MIA3: variants seen among roughly 807,000 people sequenced by gnomAD.
MIA3 encodes the protein MIA SH3 domain ER export factor 3.
In MIA3, 90 loss-of-function variants were observed where a neutral mutation model predicts 192.4. The observed-to-expected ratio is 0.47, with a 90% CI of 0.39 to 0.56. The LOEUF (loss-of-function observed/expected upper bound fraction) is 0.56. Among genes scored for constraint, MIA3 ranks in the 20% least tolerant of loss-of-function variants. The pLI is 0.00. For synonymous variants in MIA3, 740 were observed against 792.8 expected, an observed-to-expected ratio of 0.93 and a Z score of 1.12; for missense variants, 2,123 against 2,269.4, an observed-to-expected ratio of 0.94 and a Z score of 1.31.
In MIA3 at chr1:222,629,945, C is replaced by T. The variant is rs761330462; in HGVS notation, c.2725C>T (p.His909Tyr). The change falls in exon 4 of 28, where the codon CAT becomes TAT. Residue 909 changes from histidine to tyrosine, a missense_variant. By Grantham distance (83) the His-to-Tyr change is moderately conservative. Around this residue, in one of 3 missense-constraint regions of MIA3, gnomAD observed 1,357 missense variants for 1,396.1 expected, o/e 0.97. Coordinates refer to ENST00000344922, the MANE Select transcript of MIA3 (RefSeq NM_198551.4). ...PEDDSFHWTPHTSVEPGHSDK... is the reference protein window; with the variant it reads ...PEDDSFHWTPYTSVEPGHSDK... ...AGATGACTCGTTCCACTGGACTCCA[C>T]ATACAAGTGTAGAGCCAGGGCATAG... 4 of 1,614,018 alleles carry T rather than the reference C, an allele frequency of 2.5e-6. No homozygotes were observed. The highest frequency in any genetic ancestry group is 1.7e-5 in the Admixed American group (1 of 60,008).
At chr1:222,642,169 C>CAAA (rs1662890021) in intron 6 of MIA3, among the ~76,000 whole-genome samples, 2 of 152,118 alleles carry the variant, frequency 1.3e-5, no homozygotes, top group Admixed American at 6.5e-5. Flanking sequence ...AATAAGGAGA[C>CAAA]TTTGGGAGGT....
Position 222,629,231 on chromosome 1 carries a change from A to G in MIA3, c.2011A>G (p.Met671Val). Residue 671 changes from methionine to valine, a missense_variant, in exon 4 of 28, where the codon ATG becomes GTG. Coordinates refer to ENST00000344922, the MANE Select transcript of MIA3 (RefSeq NM_198551.4). ...RDVAATASKQ[M>V]SEKIRLSEGE... ...TGTGGCTGCCACAGCCAGTAAGCAAATGAGTGAGAAGATAAGGCTCTCTGA... is the reference window on the plus strand; with the variant it reads ...TGTGGCTGCCACAGCCAGTAAGCAAGTGAGTGAGAAGATAAGGCTCTCTGA... The G allele has an allele frequency of 6.2e-7, 1 of 1,614,192 alleles. No individual in the cohort carries two copies. The highest frequency in any genetic ancestry group is 2.2e-5 in the East Asian group (1 of 44,876).
At chr1:222,644,313 A>G in intron 6 of MIA3, 5 of 1,440,062 alleles carry the variant, frequency 3.5e-6, no homozygotes, top group Non-Finnish European at 4.6e-6. Context: ...GACGTGTTTT[A>G]TAGGCGGCAT....
intron 6 of MIA3, chr1:222,644,190 C>A: frequency 1.2e-6 from 1 of 828,206 alleles, no homozygotes; most frequent in Non-Finnish European, 1.7e-6. Context: ...TCCGCTCTAG[C>A]CCTATTCGCT....
intron 8 of MIA3, chr1:222,649,351 A>G (rs1663301879): frequency 6.6e-6 from 1 of 152,346 alleles, no homozygotes; most frequent in Non-Finnish European, 1.5e-5. Flanking sequence ...TTGGAAATAA[A>G]TTAAACTCTC....
At chr1:222,643,265 A>G (rs1267066992) in intron 6 of MIA3, among the ~76,000 whole-genome samples, 3 of 152,232 alleles carry the variant, frequency 2.0e-5, no homozygotes, top group African/African-American at 4.8e-5. Context: ...TGTTATCTAG[A>G]TATGTAATAC....
chr1:222,618,121 C>A lies in MIA3; in HGVS notation c.11C>A (p.Ala4Glu), dbSNP rs773969123. ...CGAGGTGACCACAACATGGCTGCGGCGCCTGGGCTGCTCGTCTGGCTGCTC... is the reference window on the plus strand; with the variant it reads ...CGAGGTGACCACAACATGGCTGCGGAGCCTGGGCTGCTCGTCTGGCTGCTC... Reference protein sequence around the residue: MAAAPGLLVWLLVL... With the variant: MAAEPGLLVWLLVL... Residue 4 changes from alanine to glutamate, a missense_variant, in exon 1 of 28, where the codon GCG becomes GAG. By Grantham distance (107) the Ala-to-Glu change is moderately radical. Around this residue, in one of 3 missense-constraint regions of MIA3, gnomAD observed 1,357 missense variants for 1,396.1 expected, o/e 0.97. Transcript: ENST00000344922. The A allele has an allele frequency of 9.4e-6, 14 of 1,495,252 alleles. No homozygotes were observed. The highest frequency in any genetic ancestry group is 1.5e-5 in the African/African-American group (1 of 68,322). 92.6% of individuals were successfully genotyped at this position (1,495,252 alleles called of 1,614,324 possible).
intron 6 of MIA3, among the ~76,000 whole-genome samples, chr1:222,635,893 C>A (rs147916762): frequency 6.6e-6 from 1 of 152,278 alleles, no homozygotes; most frequent in East Asian, 1.9e-4. Flanking sequence ...GCTATACATT[C>A]CTTTGTTGCC....
At position 222,660,213 on chromosome 1, in the gene MIA3, C is replaced by G. The variant is rs1168118413; in HGVS notation, c.5012C>G (p.Pro1671Arg). 1 of 1,613,936 alleles carries G rather than the reference C, an allele frequency of 6.2e-7. No individual in the cohort carries two copies. Among genetic ancestry groups the G allele is most frequent in the African/African-American group, 1.3e-5 (1 of 74,936 alleles). The change falls in exon 24 of 28, where the codon CCT becomes CGT. Residue 1671 changes from proline (P) to arginine (R), a missense_variant. Transcript: ENST00000344922. ...CAGAATGGCTCTTTTGGCCCATCCC[C>G]TGTGAGTGGTGGAGAATGCTCCCCT... Reference protein sequence around the residue: ...LSQNGSFGPSPVSGGECSPPL... With the variant: ...LSQNGSFGPSRVSGGECSPPL...
chr1:222,644,342 G>A (rs1023662356), intron 6 of MIA3: 1 of 1,480,044 alleles, frequency 6.8e-7, no homozygotes, highest in Non-Finnish European at 9.0e-7. Context: ...AGTGCAGGCA[G>A]CTGTGGAAGG....
chr1:222,622,691 T>C (rs1661927114), intron 2 of MIA3, among the ~76,000 whole-genome samples: 1 of 152,214 alleles, frequency 6.6e-6, no homozygotes, highest in African/African-American at 2.4e-5. Context: ...TTGGAAATGT[T>C]TTTCCATGTA....
chr1:222,652,499 C>T (rs1663493796), intron 13 of MIA3, among the ~76,000 whole-genome samples, 167 bp downstream of exon 13: 1 of 152,194 alleles, frequency 6.6e-6, no homozygotes, highest in South Asian at 2.1e-4. Context: ...GGTATACATT[C>T]TCTATCTGTT....
Position 222,618,159 on chromosome 1 carries a change from C to T in MIA3, c.49C>T (p.Pro17Ser). ...CGTCTGGCTGCTCGTGCTCCGGCTGCCCTGGCGGGTGCCGGGCCAGCTGGA... is the reference window on the plus strand; with the variant it reads ...CGTCTGGCTGCTCGTGCTCCGGCTGTCCTGGCGGGTGCCGGGCCAGCTGGA... Reference protein sequence around the residue: ...LLVWLLVLRLPWRVPGQLDPS... With the variant: ...LLVWLLVLRLSWRVPGQLDPS... Residue 17 changes from proline (P) to serine (S), a missense_variant, in exon 1 of 28, where the codon CCC becomes TCC. Pro to Ser is a moderately conservative substitution (Grantham distance 74, BLOSUM62 -1). This residue lies in a region of MIA3 where 1,357 missense variants were observed against 1,396.1 expected (regional missense o/e 0.97). Transcript: ENST00000344922. 6.6e-7 allele frequency: 1 copy of T among 1,506,736 alleles called. No individual in the cohort carries two copies. The highest frequency in any genetic ancestry group is 8.9e-7 in the Non-Finnish European group (1 of 1,128,314). 93.3% of individuals were successfully genotyped at this position (1,506,736 alleles called of 1,614,324 possible). A position where few individuals can be genotyped will look rare whatever the true frequency, so the allele number is the denominator to read the frequency against.
chr1:222,644,328 C>G, intron 6 of MIA3: 1 of 1,456,912 alleles, frequency 6.9e-7, no homozygotes, highest in South Asian at 1.4e-5. Flanking sequence ...CGGCATAAAG[C>G]GAAAGTGCAG....
Position 222,665,027 on chromosome 1 carries a change from C to T in MIA3, c.5414-282C>T, listed in dbSNP as rs186662261. On this transcript the variant is annotated intron_variant, in intron 27 of 27. Coordinates refer to ENST00000344922, the MANE Select transcript of MIA3 (RefSeq NM_198551.4). Reference sequence around the variant, plus strand: ...AGCCTGGGCAACATGGTGAAACCCCCATCTCTACAAAAAATCCAAAAATTA... The same window carrying T: ...AGCCTGGGCAACATGGTGAAACCCCTATCTCTACAAAAAATCCAAAAATTA... 862 of 421,440 alleles carry T rather than the reference C, an allele frequency of 2.0e-3. 4 individuals carry two copies. The highest frequency in any genetic ancestry group is 2.5e-3 in the Non-Finnish European group (552 of 223,026). The allele number at this position is 421,440 out of a possible 1,614,324, so 26.1% of individuals were successfully genotyped here.
intron 6 of MIA3, chr1:222,644,734 G>A (rs1205999626): frequency 1.2e-6 from 1 of 844,024 alleles, no homozygotes; most frequent in African/African-American, 1.7e-5. Flanking sequence ...TGCTGTTTAG[G>A]GAGGCAGGTG....
rs749183999 is a variant in MIA3 at position 222,629,463 on chromosome 1, G to A, written c.2243G>A (p.Gly748Glu). ...AAACGGTCTAAAGAAAAAAACCCTGGGAATCAGGGCAGGCAGTTTGATGTT... is the reference window on the plus strand; with the variant it reads ...AAACGGTCTAAAGAAAAAAACCCTGAGAATCAGGGCAGGCAGTTTGATGTT... ...NAKRSKEKNP[G>E]NQGRQFDVNL... is the part of the protein sequence containing the mutation. The change falls in exon 4 of 28, where the codon GGG (glycine) becomes GAG (glutamate). Residue 748 changes from glycine (G) to glutamate (E), a missense_variant. Transcript: ENST00000344922. The A allele has an allele frequency of 2.5e-6, 4 of 1,614,080 alleles. No homozygotes were observed. The South Asian group carries it at 4.4e-5, about 18-fold the overall frequency.
At chr1:222,642,443 A>G (rs987628099) in intron 6 of MIA3, among the ~76,000 whole-genome samples, 2 of 151,768 alleles carry the variant, frequency 1.3e-5, no homozygotes, top group African/African-American at 2.4e-5. Context: ...TGTATTTAAT[A>G]TGTCTTTCAT....
At chr1:222,633,338 G>A (rs939649721) in intron 6 of MIA3, 89 bp downstream of exon 6, 3 of 1,119,972 alleles carry the variant, frequency 2.7e-6, no homozygotes, top group East Asian at 2.5e-5. Context: ...AACTTAAAAT[G>A]TCTTTATGAA....
Sources: gnomAD v4.1 joint callset for allele counts (sites outside exome capture counted in the v4.1 genomes callset) on GRCh38, gnomAD v4.1.1 for gene constraint, gnomAD v4.1.1 regional missense constraint, MANE v1.5 for transcripts, NCBI Gene and HGNC (gene_info 2026-07-23, HGNC 2026-07-21) for gene names.